The following PITPNM2 variants were observed in gnomAD, a reference collection of about 807,000 sequenced individuals.
PITPNM2 encodes the protein membrane-associated phosphatidylinositol transfer protein 2.
PITPNM2 carries 35 observed loss-of-function variants against 132.2 expected under a neutral mutation model. The observed-to-expected ratio is 0.26, with a 90% CI of 0.20 to 0.35. The LOEUF (loss-of-function observed/expected upper bound fraction) is 0.35. Among genes scored for constraint, PITPNM2 ranks in the 10% least tolerant of loss-of-function variants. The pLI, the probability that PITPNM2 is intolerant of heterozygous loss-of-function variation, is 1.00. For synonymous variants in PITPNM2, 738 were observed against 799.2 expected (o/e 0.92, Z 1.29); for missense variants, 1,332 against 1,912.0 (o/e 0.70, Z 5.66).
At chr12:123,002,100 G>A (rs528860240) in intron 8 of PITPNM2, among the ~76,000 whole-genome samples, 1 of 151,488 alleles carries the variant, frequency 6.6e-6, no homozygotes, top group South Asian at 2.1e-4. Flanking sequence ...CACTTTGGAA[G>A]GCTGAGTCAG....
At chr12:123,116,696 G>GT (rs1169034080) in intron 1 of PITPNM2, among the ~76,000 whole-genome samples, 2 of 151,174 alleles carry the variant, frequency 1.3e-5, no homozygotes, top group Non-Finnish European at 2.9e-5. Context: ...GAATGAAGTG[G>GT]TGGTGGCAGC....
chr12:123,075,371 C>T (rs2041751895), intron 2 of PITPNM2, among the ~76,000 whole-genome samples: 1 of 152,234 alleles, frequency 6.6e-6, no homozygotes, highest in Non-Finnish European at 1.5e-5. Flanking sequence ...GAATCTCTGA[C>T]CCGCATCAGA....
chr12:123,042,040 G>A (rs1352745991), intron 2 of PITPNM2, among the ~76,000 whole-genome samples: 1 of 152,078 alleles, frequency 6.6e-6, no homozygotes, highest in Non-Finnish European at 1.5e-5. Context: ...GAGACCAGCC[G>A]TGGGCAAGGC....
intron 2 of PITPNM2, among the ~76,000 whole-genome samples, chr12:123,109,499 G>A (rs1384317241): frequency 1.3e-5 from 2 of 152,190 alleles, no homozygotes; most frequent in Admixed American, 1.3e-4. Context: ...CCTCCACTCA[G>A]CCTTGGCTTC....
Position 123,097,824 on chromosome 12 carries a change from A to C in PITPNM2, c.-96+12561T>G, listed in dbSNP as rs1220567516. On this transcript the variant is annotated intron_variant, in intron 2 of 25. Transcript: ENST00000320201. This position sits in a 1 kb window ranked among gnomAD's most constrained non-coding sequence, Gnocchi z 4.7. ...GCTCCTGGGCTGACCTCGCCCCTAC[A>C]TCTGCCACTTGGCAGTGGGTATGAG... Among the ~76,000 whole-genome samples the C allele has an allele frequency of 1.3e-5, 2 of 152,228 alleles. No individual in the cohort carries two copies. Among genetic ancestry groups the C allele is most frequent in the Non-Finnish European group, 2.9e-5 (2 of 68,032 alleles).
intron 2 of PITPNM2, among the ~76,000 whole-genome samples, chr12:123,076,360 T>TG (rs1566280515): frequency 6.6e-6 from 1 of 152,132 alleles, no homozygotes. Flanking sequence ...TGAGGGTCTC[T>TG]GGGGGGCTCA....
In PITPNM2 at chr12:122,997,474, G is replaced by A; in HGVS notation, c.1323C>T (p.Asp441=). The A allele has an allele frequency of 6.2e-7, 1 of 1,613,568 alleles. No homozygotes were observed. The highest frequency in any genetic ancestry group is 8.5e-7 in the Non-Finnish European group (1 of 1,180,024). The stretch of plus-strand genomic sequence containing the variant: ...TAGCATCGCCCTTCTTGGAGCTGGG[G>A]TCCCCGGCGCCTGTGTCCAGGATGG... ...GGTILDTGAG[D]PSSKKGDANT... Residue 441 remains aspartate (D), a synonymous_variant, in exon 11 of 26, where the codon GAC becomes GAT. Transcript: ENST00000320201.
At position 122,995,592 on chromosome 12, in the gene PITPNM2, G is replaced by T; in HGVS notation, c.1851C>A (p.Gly617=). ...AAHCCGGGGG[G]GGGGGSSGGG... The stretch of plus-strand genomic sequence containing the variant: ...CACCACTGCTGCCACCACCGCCACC[G>T]CCGCCACCGCCACCACCGCAGCAGT... Residue 617 remains glycine, a synonymous_variant, in exon 14 of 26, where the codon GGC becomes GGA. Coordinates refer to ENST00000320201, the MANE Select transcript of PITPNM2 (RefSeq NM_020845.3). 6.2e-7 allele frequency: 1 copy of T among 1,604,484 alleles called. No individual in the cohort carries two copies.
rs903142481 is a variant in PITPNM2, at chr12:123,023,465, AT to A, written c.79-9424del. Among the ~76,000 whole-genome samples, 5 of 152,156 alleles carry A rather than the reference AT, an allele frequency of 3.3e-5. No homozygotes were observed. Among genetic ancestry groups the A allele is most frequent in the African/African-American group, 7.2e-5 (3 of 41,442 alleles). ...TCAAGATGACCTACTTGTGGTATAC[AT>A]GGGGAAACTGAGGGCCAGGGACTGG... On this transcript the variant is annotated intron_variant, in intron 3 of 25. Coordinates refer to ENST00000320201, the MANE Select transcript of PITPNM2 (RefSeq NM_020845.3). This position sits in a 1 kb window ranked among gnomAD's most constrained non-coding sequence, Gnocchi z 4.8.
chr12:123,101,749 G>A (rs916199230), intron 2 of PITPNM2, among the ~76,000 whole-genome samples: 11 of 152,158 alleles, frequency 7.2e-5, no homozygotes, highest in Non-Finnish European at 1.2e-4. Context: ...CTTGGGGGTG[G>A]TGGAGTGAGT....
intron 1 of PITPNM2, among the ~76,000 whole-genome samples, chr12:123,128,264 C>CGAA (rs2043188458): frequency 4.4e-5 from 1 of 22,732 alleles, no homozygotes; most frequent in African/African-American, 2.3e-4. Context: ...CCCATCTCTA[C>CGAA]AAAAAAAAAA....
rs927700794 is a variant in PITPNM2 at position 122,996,805 on chromosome 12, C to T, written c.1578G>A (p.Glu526=). The T allele has an allele frequency of 1.2e-6, 2 of 1,609,826 alleles. No homozygotes were observed. The highest frequency in any genetic ancestry group is 2.7e-5 in the African/African-American group (2 of 74,700). ...CTCGCTGAATCACTGTGGCAACTGCCTCCTGGTACTGGGGGGAGGAGGTGG... is the reference window on the plus strand; with the variant it reads ...CTCGCTGAATCACTGTGGCAACTGCTTCCTGGTACTGGGGGGAGGAGGTGG... ...LLATSSPQYQ[E]AVATVIQRAN... is the part of the protein sequence containing the mutation. Residue 526 remains glutamate, a synonymous_variant, in exon 12 of 26, where the codon GAG becomes GAA. Transcript: ENST00000320201.
rs2040208069 is a variant in PITPNM2, at chr12:123,034,571, C to T, written c.20G>A (p.Arg7Gln). 2.5e-6 allele frequency: 4 copies of T among 1,614,062 alleles called. No homozygotes were observed. The highest frequency in any genetic ancestry group is 2.5e-6 in the Non-Finnish European group (3 of 1,180,016). The change falls in exon 3 of 26, where the codon CGG (arginine) becomes CAG (glutamine). Residue 7 changes from arginine to glutamine, a missense_variant. Arg to Gln is a conservative substitution (Grantham distance 43). Coordinates refer to ENST00000320201, the MANE Select transcript of PITPNM2 (RefSeq NM_020845.3). The stretch of plus-strand genomic sequence containing the variant: ...CTCCACGGTCATTGGCAGAGGAATC[C>T]GATATTCCTTTATAATCATCTTGGA... MIIKEY[R>Q]IPLPMTVEEY... is the part of the protein sequence containing the mutation.
At chr12:123,062,755 T>G (rs748279889) in intron 2 of PITPNM2, among the ~76,000 whole-genome samples, 3 of 152,094 alleles carry the variant, frequency 2.0e-5, no homozygotes, top group Non-Finnish European at 4.4e-5. Context: ...GCCAAATGAG[T>G]TACAAAAAAG....
intron 1 of PITPNM2, among the ~76,000 whole-genome samples, chr12:123,138,772 C>T (rs543526466): frequency 6.6e-6 from 1 of 152,284 alleles, no homozygotes; most frequent in African/African-American, 2.4e-5. Flanking sequence ...AGTGAGTGCA[C>T]ACTGCTGTGA....
chr12:123,044,039 G>A (rs1361454927), intron 2 of PITPNM2, among the ~76,000 whole-genome samples: 2 of 152,222 alleles, frequency 1.3e-5, no homozygotes, highest in African/African-American at 4.8e-5. Context: ...CTGGCCTCCA[G>A]GGTTGGTGCT....
intron 8 of PITPNM2, among the ~76,000 whole-genome samples, chr12:123,001,643 T>C (rs1244057547): frequency 3.9e-5 from 6 of 152,248 alleles, no homozygotes; most frequent in Non-Finnish European, 8.8e-5. Flanking sequence ...GTCAGATGCT[T>C]CATTCCGTTT....
At chr12:123,010,159 A>C in intron 5 of PITPNM2, 82 bp from the exon 6 acceptor site, 11 of 1,191,960 alleles carry the variant, frequency 9.2e-6, no homozygotes, top group South Asian at 1.3e-5. Flanking sequence ...CCACCCCCAA[A>C]TCCTCCCAGG....
intron 2 of PITPNM2, among the ~76,000 whole-genome samples, chr12:123,107,412 G>A (rs1413709275): frequency 6.6e-6 from 1 of 152,184 alleles, no homozygotes; most frequent in Non-Finnish European, 1.5e-5. Flanking sequence ...CCCCTACTGT[G>A]AAAGACAGCC....
Sources: gnomAD v4.1 joint callset for allele counts (sites outside exome capture counted in the v4.1 genomes callset) on GRCh38, gnomAD v4.1.1 for gene constraint, Gnocchi (gnomAD v3.1) non-coding constraint, MANE v1.5 for transcripts, NCBI Gene and HGNC (gene_info 2026-07-23, HGNC 2026-07-21) for gene names.